The following GALNT13 variants were observed in gnomAD, a reference collection of about 807,000 sequenced individuals.
The protein encoded by GALNT13 is UDP-GalNAc:polypeptide N-acetylgalactosaminyltransferase 13.
GALNT13 carries 28 observed loss-of-function variants against 64.2 expected under a neutral mutation model. The observed-to-expected ratio is 0.44, with a 90% CI of 0.32 to 0.60. The LOEUF is 0.60. Among genes scored for constraint, GALNT13 ranks in the 20% least tolerant of loss-of-function variants. GALNT13 has a pLI of 0.05. For synonymous variants in GALNT13, 214 were observed against 224.6 expected, an observed-to-expected ratio of 0.95 and a Z score of 0.42; for missense variants, 577 against 669.8, an observed-to-expected ratio of 0.86 and a Z score of 1.53.
the GALNT13 span, among the ~76,000 whole-genome samples, chr2:153,301,877 TTGTGTGTGTGTGTG>T: frequency 6.2e-5 from 9 of 146,172 alleles, no homozygotes; most frequent in South Asian, 2.2e-4. Context: ...GTATTCCACT[TTGTGTGTGTGTGTG>T]TGTGTGTGTG....
the GALNT13 span, among the ~76,000 whole-genome samples, chr2:153,790,500 G>T: frequency 1.3e-5 from 2 of 152,134 alleles, no homozygotes; most frequent in African/African-American, 4.8e-5. Flanking sequence ...ACATCATACT[G>T]AATGGACAAA....
chr2:154,186,763 G>A (rs1447993666), intron 4 of GALNT13, among the ~76,000 whole-genome samples: 1 of 152,082 alleles, frequency 6.6e-6, no homozygotes, highest in East Asian at 1.9e-4. Flanking sequence ...GACCCTGAGT[G>A]CACAAAAGGA....
intron 4 of GALNT13, among the ~76,000 whole-genome samples, chr2:154,179,857 T>C (rs996491115): frequency 2.7e-5 from 4 of 148,714 alleles, no homozygotes; most frequent in African/African-American, 9.9e-5. Flanking sequence ...TTAAAAGGAG[T>C]GTTTTCAGCT....
the GALNT13 span, among the ~76,000 whole-genome samples, chr2:153,430,527 GGAGAGAGAGA>G: frequency 0.049 from 6,927 of 140,890 alleles, 267 homozygotes; most frequent in Non-Finnish European, 0.07. Context: ...AGGTAGGTAG[GGAGAGAGAGA>G]GAGAGAGAGA....
chr2:154,015,143 A>T (rs1457052846), intron 3 of GALNT13, among the ~76,000 whole-genome samples: 1 of 152,198 alleles, frequency 6.6e-6, no homozygotes, highest in Non-Finnish European at 1.5e-5. Flanking sequence ...AAGGAAAAAT[A>T]AAAGATATGG....
chr2:153,078,878 A>G, the GALNT13 span, among the ~76,000 whole-genome samples: 2 of 152,152 alleles, frequency 1.3e-5, no homozygotes, highest in African/African-American at 4.8e-5. Flanking sequence ...AATAGAATGC[A>G]TTGTATTAGA....
chr2:153,838,082 G>T, the GALNT13 span, among the ~76,000 whole-genome samples: 1 of 151,796 alleles, frequency 6.6e-6, no homozygotes, highest in East Asian at 1.9e-4. Context: ...TCTCTATTCA[G>T]GTCCTTTGTC....
chr2:154,131,953 G>A (rs536002434), intron 3 of GALNT13, among the ~76,000 whole-genome samples: 1 of 152,274 alleles, frequency 6.6e-6, no homozygotes, highest in South Asian at 2.1e-4. Context: ...TACCATGTTC[G>A]AGGGCAGAAA....
chr2:153,238,808 T>A, the GALNT13 span, among the ~76,000 whole-genome samples: 1 of 152,174 alleles, frequency 6.6e-6, no homozygotes, highest in South Asian at 2.1e-4. Flanking sequence ...TTGCTCAGAA[T>A]GCTTTTGGCT....
At chr2:153,591,051 C>G in the GALNT13 span, among the ~76,000 whole-genome samples, 1 of 152,014 alleles carries the variant, frequency 6.6e-6, no homozygotes, top group Non-Finnish European at 1.5e-5. Flanking sequence ...ATGGTACAAT[C>G]TTATGTCTAG....
the GALNT13 span, among the ~76,000 whole-genome samples, chr2:153,554,694 G>A: frequency 4.0e-5 from 6 of 151,594 alleles, no homozygotes; most frequent in Non-Finnish European, 7.4e-5. Flanking sequence ...CTGTGTACGC[G>A]CACATAAGTG....
intron 8 of GALNT13, among the ~76,000 whole-genome samples, chr2:154,280,027 A>G (rs1278034144): frequency 6.6e-6 from 1 of 152,114 alleles, no homozygotes; most frequent in East Asian, 1.9e-4. Context: ...CCCCCTAGGG[A>G]AAGTACTTAT....
At chr2:154,043,437 TATATATATATATATATA>T (rs1699107037) in intron 3 of GALNT13, among the ~76,000 whole-genome samples, 1 of 81,914 alleles carries the variant, frequency 1.2e-5, no homozygotes, top group Non-Finnish European at 2.8e-5. Context: ...TATATATATA[TATATATATATATATATA>T]TACACACATG....
intron 4 of GALNT13, among the ~76,000 whole-genome samples, chr2:154,240,346 T>C (rs1689415275): frequency 6.6e-6 from 1 of 152,232 alleles, no homozygotes; most frequent in South Asian, 2.1e-4. Flanking sequence ...TGTTAAGTTC[T>C]AAAAGTAGTA....
chr2:153,395,065 A>C, the GALNT13 span, among the ~76,000 whole-genome samples: 2 of 152,094 alleles, frequency 1.3e-5, no homozygotes, highest in Non-Finnish European at 2.9e-5. Context: ...GATCCTAGAC[A>C]CCCTCAGGTC....
chr2:153,421,153 C>A, the GALNT13 span: 1 of 232,006 alleles, frequency 4.3e-6, no homozygotes. Context: ...GTGACCTCTG[C>A]TATGCATGGT....
At chr2:153,436,708 T>G in the GALNT13 span, among the ~76,000 whole-genome samples, 1 of 152,174 alleles carries the variant, frequency 6.6e-6, no homozygotes, top group Non-Finnish European at 1.5e-5. Context: ...GTCTATTTGA[T>G]TCTTCTCTCT....
At chr2:153,746,428 A>G in the GALNT13 span, among the ~76,000 whole-genome samples, 3 of 152,150 alleles carry the variant, frequency 2.0e-5, no homozygotes, top group African/African-American at 7.2e-5. Flanking sequence ...GTGTCTAAAT[A>G]TTTCTCCCAA....
chr2:153,727,695 T>G, the GALNT13 span, among the ~76,000 whole-genome samples: 2 of 152,186 alleles, frequency 1.3e-5, no homozygotes, highest in Non-Finnish European at 1.5e-5. Flanking sequence ...CACCTTATGT[T>G]TCTTAATAAC....
Sources: gnomAD v4.1 joint callset for allele counts (sites outside exome capture counted in the v4.1 genomes callset) on GRCh38, gnomAD v4.1.1 for gene constraint, MANE v1.5 for transcripts, NCBI Gene and HGNC (gene_info 2026-07-23, HGNC 2026-07-21) for gene names.